GPR180: variants seen among roughly 807,000 people sequenced by gnomAD.
GPR180 encodes G protein-coupled receptor 180.
Under a neutral mutation model 52.6 loss-of-function variants are expected in GPR180, and 53 were observed. That is an observed-to-expected ratio of 1.01 (90% confidence interval 0.81 to 1.27). The LOEUF (loss-of-function observed/expected upper bound fraction) is 1.27, where lower values mean the gene tolerates loss of function less well. GPR180 is among the 50% of genes most tolerant of loss of function. The probability of loss-of-function intolerance (pLI) is 0.00; values close to 1 mark genes in which losing one functional copy is unlikely to be tolerated. For synonymous variants in GPR180, 200 were observed against 193.1 expected (o/e 1.04, Z -0.30); for missense variants, 533 against 527.0 (o/e 1.01, Z -0.11).
At chr13:94,602,292 C>G (rs184147787) in intron 1 of GPR180, among the ~76,000 whole-genome samples, 1 of 152,334 alleles carries the variant, frequency 6.6e-6, no homozygotes, top group African/African-American at 2.4e-5. Context: ...GCAGCGGCCT[C>G]TCGCCACTAG....
Position 94,623,279 on chromosome 13 carries a change from G to A in GPR180, c.1065G>A (p.Glu355=). ...ITVERSTLKR[E]FYITFAKGCI... is the part of the protein sequence containing the mutation. ...TGGAGAGAAGTACACTCAAAAGGGA[G>A]TTCTACATCACATTTGCCAAAGTAT... The change falls in exon 7 of 9, where the codon GAG becomes GAA. Residue 355 remains glutamate (E), a synonymous_variant. Coordinates refer to ENST00000376958, the MANE Select transcript of GPR180 (RefSeq NM_180989.6). The A allele has an allele frequency of 6.2e-7, 1 of 1,612,006 alleles. No homozygotes were observed. Among genetic ancestry groups the A allele is most frequent in the Non-Finnish European group, 8.5e-7 (1 of 1,178,834 alleles).
intron 3 of GPR180, among the ~76,000 whole-genome samples, chr13:94,618,208 G>T (rs962477622): frequency 1.3e-5 from 2 of 151,958 alleles, no homozygotes; most frequent in African/African-American, 4.8e-5. Context: ...AGTTTGATTC[G>T]TCTGGCCTGT....
At position 94,612,286 on chromosome 13, in the gene GPR180, A is replaced by G. The variant is rs1267261317; in HGVS notation, c.401A>G (p.Asp134Gly). Reference sequence around the variant, plus strand: ...TATGCAGACAAGTATACATGCCAAGATGACAAGGAGAATTCTCAGGTGGAA... The same window carrying G: ...TATGCAGACAAGTATACATGCCAAGGTGACAAGGAGAATTCTCAGGTGGAA... The part of the protein sequence containing the change: ...VFYADKYTCQ[D>G]DKENSQVEDI... The change falls in exon 3 of 9, where the codon GAT becomes GGT. Residue 134 changes from aspartate (D) to glycine (G), a missense_variant. Coordinates refer to ENST00000376958, the MANE Select transcript of GPR180 (RefSeq NM_180989.6). The G allele has an allele frequency of 6.2e-7, 1 of 1,613,954 alleles. No individual in the cohort carries two copies. The highest frequency in any genetic ancestry group is 8.5e-7 in the Non-Finnish European group (1 of 1,179,812).
intron 7 of GPR180, among the ~76,000 whole-genome samples, chr13:94,625,656 A>G (rs1445194793): frequency 6.6e-6 from 1 of 152,148 alleles, no homozygotes; most frequent in African/African-American, 2.4e-5. Context: ...GGAATATTAC[A>G]CATTTGTGCC....
intron 1 of GPR180, among the ~76,000 whole-genome samples, chr13:94,604,051 T>G (rs6492720): frequency 3.9e-5 from 6 of 151,968 alleles, no homozygotes; most frequent in African/African-American, 1.4e-4. Context: ...ACCAACCTGG[T>G]GGCTGGGCGT....
At chr13:94,621,338 G>T in intron 6 of GPR180, 103 bp downstream of exon 6, 1 of 924,090 alleles carries the variant, frequency 1.1e-6, no homozygotes, top group Non-Finnish European at 1.5e-6. Context: ...AGGAATTTGT[G>T]TCATTTTTTT....
At chr13:94,613,869 T>A (rs1048939339) in intron 3 of GPR180, among the ~76,000 whole-genome samples, 3 of 143,950 alleles carry the variant, frequency 2.1e-5, no homozygotes, top group African/African-American at 7.5e-5. Context: ...CTCAGGTCCT[T>A]TTTTTTTTTT....
At chr13:94,611,689 C>T (rs560623335) in intron 2 of GPR180, among the ~76,000 whole-genome samples, 1 of 152,086 alleles carries the variant, frequency 6.6e-6, no homozygotes, top group South Asian at 2.1e-4. Context: ...AGCCCCTACA[C>T]CAAGTACTTC....
At chr13:94,626,583 A>C (rs1331515267) in intron 8 of GPR180, among the ~76,000 whole-genome samples, 1 of 152,198 alleles carries the variant, frequency 6.6e-6, no homozygotes, top group African/African-American at 2.4e-5. Context: ...ACAAAGGGTG[A>C]ATAGATAGGA....
chr13:94,611,382 T>C (rs1328556380), intron 2 of GPR180, among the ~76,000 whole-genome samples: 1 of 152,226 alleles, frequency 6.6e-6, no homozygotes, highest in African/African-American at 2.4e-5. Flanking sequence ...TCTTCAAAAA[T>C]GTCACTGTGA....
At chr13:94,619,793 C>T (rs1359561977) in intron 5 of GPR180, among the ~76,000 whole-genome samples, 3 of 152,192 alleles carry the variant, frequency 2.0e-5, no homozygotes, top group Non-Finnish European at 4.4e-5. Flanking sequence ...TCACGGCTCA[C>T]TGCAGCCTCA....
At chr13:94,617,109 C>T (rs1889788677) in intron 3 of GPR180, among the ~76,000 whole-genome samples, 1 of 151,986 alleles carries the variant, frequency 6.6e-6, no homozygotes, top group Admixed American at 6.6e-5. Flanking sequence ...TCCAGAGTCC[C>T]TTCCTTCTAT....
intron 3 of GPR180, among the ~76,000 whole-genome samples, chr13:94,614,207 A>G (rs1324514994): frequency 6.6e-6 from 1 of 152,184 alleles, no homozygotes; most frequent in Non-Finnish European, 1.5e-5. Context: ...ATTATTTCAT[A>G]TGACCCTTAT....
Position 94,627,457 on chromosome 13 carries a change from G to A in GPR180, c.*286G>A, listed in dbSNP as rs1594481142. ...ATGTGAAAAATAACTATGATATTTT[G>A]GTAAAATATTCACCACTTATAATGC... On this transcript the variant is annotated 3_prime_UTR_variant, in exon 9 of 9. Coordinates refer to ENST00000376958, the MANE Select transcript of GPR180 (RefSeq NM_180989.6). The A allele has an allele frequency of 4.6e-5, 16 of 344,574 alleles. No individual in the cohort carries two copies. Among genetic ancestry groups the A allele is most frequent in the East Asian group, 1.4e-4 (2 of 13,958 alleles). The allele number at this position is 344,574 out of a possible 1,614,324, so 21.3% of individuals were successfully genotyped here.
intron 6 of GPR180, among the ~76,000 whole-genome samples, chr13:94,622,145 G>T (rs1889861816): frequency 6.6e-6 from 1 of 152,094 alleles, no homozygotes; most frequent in Non-Finnish European, 1.5e-5. Flanking sequence ...CACAGGTGGT[G>T]ATATTTAGAA....
In GPR180 at chr13:94,627,240, CT is replaced by C. The variant is rs766062437; in HGVS notation, c.*77del. The C allele has an allele frequency of 5.8e-5, 79 of 1,363,526 alleles. No homozygotes were observed. The highest frequency in any genetic ancestry group is 1.9e-4 in the East Asian group (8 of 42,884). The allele number at this position is 1,363,526 out of a possible 1,614,324, so 84.5% of individuals were successfully genotyped here. On this transcript the variant is annotated 3_prime_UTR_variant, in exon 9 of 9. Coordinates refer to ENST00000376958, the MANE Select transcript of GPR180 (RefSeq NM_180989.6). Reference sequence around the variant, plus strand: ...TGCAATAAGGATCCAAATACAGTGACTTTTTTTTCATACATTTAGTATGAAA... The same window carrying C: ...TGCAATAAGGATCCAAATACAGTGACTTTTTTTCATACATTTAGTATGAAA...
At chr13:94,609,494 A>C (rs1287881716) in intron 2 of GPR180, among the ~76,000 whole-genome samples, 1 of 152,186 alleles carries the variant, frequency 6.6e-6, no homozygotes, top group Non-Finnish European at 1.5e-5. Flanking sequence ...ATAATTTAAA[A>C]TGAAACATCA....
chr13:94,631,085 T>C lies in GPR180; in HGVS notation c.*3914T>C, dbSNP rs1172436525. On this transcript the variant is annotated 3_prime_UTR_variant, in exon 9 of 9. Transcript: ENST00000376958. The stretch of plus-strand genomic sequence containing the variant: ...CAGCCAGGCCCACAGGAACACCAGT[T>C]CCTGCCGGAATGGCTCCTTCAGCTT... 1 of 152,212 alleles carries C rather than the reference T, an allele frequency of 6.6e-6. No homozygotes were observed. Among genetic ancestry groups the C allele is most frequent in the Non-Finnish European group, 1.5e-5 (1 of 68,068 alleles). 9.4% of individuals were successfully genotyped at this position (152,212 alleles called of 1,614,324 possible). A position where few individuals can be genotyped will look rare whatever the true frequency, so the allele number is the denominator to read the frequency against.
chr13:94,626,989 G>A (rs1483006400), intron 8 of GPR180, 24 bp from the exon 9 acceptor site: 16 of 1,543,508 alleles, frequency 1.0e-5, no homozygotes, highest in African/African-American at 2.8e-5. Context: ...TGTAGTAAAA[G>A]CATTCCTTTC....
Sources: allele counts gnomAD v4.1 joint callset (sites outside exome capture counted in the v4.1 genomes callset), GRCh38; gene constraint gnomAD v4.1.1; transcripts MANE v1.5; gene names NCBI Gene and HGNC (gene_info 2026-07-23, HGNC 2026-07-21).